The following PPEF1 variants were observed in gnomAD, a reference collection of about 807,000 sequenced individuals.
PPEF1 encodes serine/threonine-protein phosphatase with EF-hands 1.
In PPEF1, 12 loss-of-function variants were observed where a neutral mutation model predicts 53.3. That is an observed-to-expected ratio of 0.23 (90% CI 0.14 to 0.36). The LOEUF (loss-of-function observed/expected upper bound fraction) is 0.36, where lower values mean the gene tolerates loss of function less well. Among genes scored for constraint, PPEF1 ranks in the 10% least tolerant of loss-of-function variants. The pLI is 1.00. For synonymous variants in PPEF1, 165 were observed against 176.7 expected (o/e 0.93, Z 0.52); for missense variants, 334 against 490.4 (o/e 0.68, Z 3.01).
At chrX:18,798,151 G>A (rs966375859) in intron 10 of PPEF1, among the ~76,000 whole-genome samples, 4 of 110,268 alleles carry the variant, frequency 3.6e-5, no homozygotes, top group African/African-American at 9.9e-5. Context: ...GTGCAACTAC[G>A]GCTCATTGCA....
In PPEF1 at chrX:18,779,087, C is replaced by T. The variant is rs144810985; in HGVS notation, c.636C>T (p.Ile212=). The T allele has an allele frequency of 8.3e-7, 1 of 1,198,775 alleles. No individual in the cohort carries two copies. Among genetic ancestry groups the T allele is most frequent in the Middle Eastern group, 2.3e-4 (1 of 4,349 alleles). ...ATCGAGGAAAGAATTCCATAGAGATCCTAATGATCCTGTGTGTGAGTTTTC... is the reference window on the plus strand; with the variant it reads ...ATCGAGGAAAGAATTCCATAGAGATTCTAATGATCCTGTGTGTGAGTTTTC... ...FVDRGKNSIE[I]LMILCVSFLV... The change falls in exon 7 of 16, where the codon ATC becomes ATT. Residue 212 remains isoleucine, a synonymous_variant. Transcript: ENST00000470157.
intron 4 of PPEF1, among the ~76,000 whole-genome samples, chrX:18,750,297 A>G (rs1452059166): frequency 9.0e-6 from 1 of 111,571 alleles, no homozygotes; most frequent in Non-Finnish European, 1.9e-5. Context: ...CACTCCCAAT[A>G]GAAAGGCCAT....
In PPEF1 at chrX:18,740,139, G is replaced by T. The variant is rs756907108; in HGVS notation, c.235+6331G>T. On this transcript the variant is annotated intron_variant, in intron 3 of 15. Coordinates refer to ENST00000470157, the MANE Select transcript of PPEF1 (RefSeq NM_001377996.1). ...TCACACTCCGTGGGCTGCACCCACT[G>T]TCCAATAAGCCCGAGTGAGATGAAC... Among the ~76,000 whole-genome samples, 9 of 112,163 alleles carry T rather than the reference G, an allele frequency of 8.0e-5. No homozygotes were observed. In the South Asian group the frequency reaches 3.3e-3, roughly 42 times the overall value.
intron 6 of PPEF1, among the ~76,000 whole-genome samples, chrX:18,777,742 G>A (rs1159068635): frequency 9.6e-6 from 1 of 104,140 alleles, no homozygotes; most frequent in Non-Finnish European, 2.0e-5. Flanking sequence ...TAGCCAGGAT[G>A]GTCTTTTCTT....
intron 1 of PPEF1, among the ~76,000 whole-genome samples, chrX:18,720,916 C>T (rs1338560808): frequency 1.8e-5 from 2 of 111,153 alleles, no homozygotes; most frequent in African/African-American, 6.5e-5. Flanking sequence ...CCCCCATGGT[C>T]ACCTGGAAAA....
chrX:18,804,958 T>C (rs1156307597), intron 11 of PPEF1, among the ~76,000 whole-genome samples: 1 of 111,400 alleles, frequency 9.0e-6, no homozygotes, highest in African/African-American at 3.3e-5. Context: ...TGTCCCAAGT[T>C]GTTCTGGGAT....
intron 1 of PPEF1, among the ~76,000 whole-genome samples, chrX:18,708,576 T>C (rs1352097600): frequency 8.9e-6 from 1 of 112,309 alleles, no homozygotes; most frequent in Admixed American, 9.5e-5. Flanking sequence ...CTTTGATGTC[T>C]AGGTTATAGG....
intron 1 of PPEF1, among the ~76,000 whole-genome samples, chrX:18,729,722 G>A (rs190961816): frequency 4.3e-4 from 48 of 112,277 alleles, no homozygotes; most frequent in South Asian, 1.1e-3. Flanking sequence ...TCTCCTTGAT[G>A]GACTGTGTGA....
intron 1 of PPEF1, among the ~76,000 whole-genome samples, chrX:18,677,723 G>A (rs1348117559): frequency 2.7e-5 from 3 of 111,450 alleles, no homozygotes; most frequent in Non-Finnish European, 5.6e-5. Flanking sequence ...CTGCTCTCGT[G>A]CTCTTCCTCT....
chrX:18,758,873 G>A (rs1043405880), intron 5 of PPEF1, among the ~76,000 whole-genome samples: 1 of 111,539 alleles, frequency 9.0e-6, no homozygotes, highest in African/African-American at 3.3e-5. Context: ...AAAGGATCTG[G>A]AAGAAGACAC....
At chrX:18,788,593 T>C (rs2046266679) in intron 9 of PPEF1, among the ~76,000 whole-genome samples, 1 of 111,468 alleles carries the variant, frequency 9.0e-6, no homozygotes, top group South Asian at 3.7e-4. Flanking sequence ...AGAGTCAGGC[T>C]GAGAACCACA....
intron 1 of PPEF1, among the ~76,000 whole-genome samples, chrX:18,720,022 C>T (rs2044546749): frequency 8.9e-6 from 1 of 111,815 alleles, no homozygotes; most frequent in Admixed American, 9.5e-5. Context: ...CACATGCCTT[C>T]TGATGTCCTA....
At chrX:18,785,991 A>G (rs6633138) in intron 9 of PPEF1, among the ~76,000 whole-genome samples, 1 of 112,276 alleles carries the variant, frequency 8.9e-6, no homozygotes, top group Admixed American at 9.4e-5. Context: ...TGATCAAGAT[A>G]TAATAGTCAT....
intron 5 of PPEF1, among the ~76,000 whole-genome samples, chrX:18,699,737 G>C (rs1569242193): frequency 9.0e-6 from 1 of 111,679 alleles, no homozygotes; most frequent in Non-Finnish European, 1.9e-5. Context: ...AGGAGCTACT[G>C]AACAGCTGGT....
At chrX:18,818,804 A>G (rs1421062852) in intron 13 of PPEF1, among the ~76,000 whole-genome samples, 2 of 112,031 alleles carry the variant, frequency 1.8e-5, no homozygotes, top group South Asian at 7.4e-4. Flanking sequence ...CTGCATCTTC[A>G]CTTTCCGTGA....
In PPEF1 at chrX:18,717,067, C is replaced by CT. The variant is rs113154046; in HGVS notation, c.46+9255dup. Among the ~76,000 whole-genome samples, 237 of 89,013 alleles carry CT rather than the reference C, an allele frequency of 2.7e-3. 1 individual carries two copies. The highest frequency in any genetic ancestry group is 3.9e-3 in the Non-Finnish European group (176 of 44,627). 77.3% of individuals were successfully genotyped at this position (89,013 alleles called of 115,157 possible). On this transcript the variant is annotated intron_variant, in intron 1 of 15. Transcript: ENST00000470157. ...GACTTTCCTCTTTTTTTCCTTTTTC[C>CT]TTTTTTTTTTTTTTGGTTTGTATAT...
chrX:18,724,901 G>A (rs761677676), intron 1 of PPEF1, among the ~76,000 whole-genome samples: 8 of 111,057 alleles, frequency 7.2e-5, no homozygotes, highest in Non-Finnish European at 1.1e-4. Flanking sequence ...TCCTGTGGTG[G>A]ATGGGGCTTA....
chrX:18,792,530 C>T (rs7052399), intron 10 of PPEF1, among the ~76,000 whole-genome samples: 16,635 of 108,927 alleles, frequency 0.15, 1,394 homozygotes, highest in African/African-American at 0.32. Context: ...TTTTTTTTCT[C>T]CTGAAAGTTT....
chrX:18,687,685 C>CTTTTTT (rs370867326), intron 3 of PPEF1, among the ~76,000 whole-genome samples: 1 of 89,153 alleles, frequency 1.1e-5, no homozygotes, highest in Non-Finnish European at 2.1e-5. Context: ...AAATATTCTT[C>CTTTTTT]TTTTTTTTTT....
Sources: allele counts gnomAD v4.1 joint callset (sites outside exome capture counted in the v4.1 genomes callset), GRCh38; gene constraint gnomAD v4.1.1; transcripts MANE v1.5; gene names NCBI Gene and HGNC (gene_info 2026-07-23, HGNC 2026-07-21).